MACROD2: variants seen among roughly 807,000 people sequenced by gnomAD.
MACROD2 encodes the protein ADP-ribose glycohydrolase MACROD2.
In MACROD2, 36 loss-of-function variants were observed where a neutral mutation model predicts 70.4. The observed-to-expected ratio is 0.51, with a 90% CI of 0.39 to 0.68. MACROD2 has a LOEUF of 0.68. Ranked by LOEUF, MACROD2 falls within the 30% of genes least tolerant of loss-of-function variation. The pLI, the probability that MACROD2 is intolerant of heterozygous loss-of-function variation, is 0.00. For missense variants in MACROD2, 496 were observed against 538.4 expected (o/e 0.92, Z 0.78); for synonymous variants, 172 against 178.8 (o/e 0.96, Z 0.30).
intron 8 of MACROD2, among the ~76,000 whole-genome samples, chr20:15,563,972 G>A (rs554518698): frequency 1.3e-5 from 2 of 152,236 alleles, no homozygotes; most frequent in African/African-American, 4.8e-5. Flanking sequence ...TGAGATTTGA[G>A]TGAACTGAAG....
At chr20:15,762,526 T>G (rs1354746533) in intron 8 of MACROD2, among the ~76,000 whole-genome samples, 2 of 152,190 alleles carry the variant, frequency 1.3e-5, no homozygotes, top group African/African-American at 4.8e-5. Context: ...GCAGGTCTGT[T>G]TCCCCAACCA....
chr20:15,619,216 G>A (rs1395490004), intron 8 of MACROD2, among the ~76,000 whole-genome samples: 2 of 152,186 alleles, frequency 1.3e-5, no homozygotes, highest in South Asian at 2.1e-4. Flanking sequence ...TCCTACAAAG[G>A]CATTCCAGTC....
At chr20:14,592,996 C>T (rs751238039) in intron 4 of MACROD2, among the ~76,000 whole-genome samples, 38 of 152,052 alleles carry the variant, frequency 2.5e-4, no homozygotes, top group Admixed American at 9.8e-4. Flanking sequence ...GCCTCAAAAT[C>T]TTAGGTCTGC....
chr20:14,773,513 G>T (rs2072197493), intron 5 of MACROD2, among the ~76,000 whole-genome samples: 1 of 151,962 alleles, frequency 6.6e-6, no homozygotes, highest in South Asian at 2.1e-4. Flanking sequence ...ATAATGTCCT[G>T]CAGGTTCTTT....
intron 3 of MACROD2, among the ~76,000 whole-genome samples, chr20:14,172,575 G>C (rs2081231475): frequency 6.6e-6 from 1 of 152,118 alleles, no homozygotes; most frequent in Non-Finnish European, 1.5e-5. Context: ...AAAATGCTGG[G>C]ATTATAGGCA....
At chr20:15,055,556 G>A (rs180712701) in intron 5 of MACROD2, among the ~76,000 whole-genome samples, 6 of 152,230 alleles carry the variant, frequency 3.9e-5, no homozygotes, top group Middle Eastern at 3.4e-3. Context: ...GAATTATAGC[G>A]GAGAACAAAT....
At chr20:15,233,414 A>C (rs2076976403) in intron 6 of MACROD2, among the ~76,000 whole-genome samples, 1 of 152,048 alleles carries the variant, frequency 6.6e-6, no homozygotes, top group Non-Finnish European at 1.5e-5. Flanking sequence ...GTATAAATAA[A>C]TTTCACCTAC....
intron 8 of MACROD2, among the ~76,000 whole-genome samples, chr20:15,761,570 G>A (rs1227171463): frequency 6.6e-6 from 1 of 152,106 alleles, no homozygotes; most frequent in Non-Finnish European, 1.5e-5. Context: ...TGTGTTACAC[G>A]TATATCCACA....
intron 5 of MACROD2, among the ~76,000 whole-genome samples, chr20:14,968,052 T>A (rs2074654823): frequency 6.6e-6 from 1 of 152,178 alleles, no homozygotes; most frequent in South Asian, 2.1e-4. Context: ...TATATCAAAT[T>A]CTGGGCTGGA....
At chr20:14,753,776 A>G (rs2071905670) in intron 5 of MACROD2, among the ~76,000 whole-genome samples, 1 of 152,116 alleles carries the variant, frequency 6.6e-6, no homozygotes, top group African/African-American at 2.4e-5. Flanking sequence ...TCAGACCATA[A>G]AAGACAATCC....
intron 3 of MACROD2, among the ~76,000 whole-genome samples, chr20:14,135,518 A>T (rs1304993783): frequency 3.3e-5 from 5 of 151,536 alleles, no homozygotes; most frequent in African/African-American, 4.8e-5. Flanking sequence ...TTTTTTTTTT[A>T]AATAAATTAG....
intron 3 of MACROD2, among the ~76,000 whole-genome samples, chr20:14,452,864 A>G (rs2084259908): frequency 6.6e-6 from 1 of 152,140 alleles, no homozygotes; most frequent in African/African-American, 2.4e-5. Flanking sequence ...CTTGATGCAC[A>G]TCTTACATCT....
At chr20:15,548,868 T>TA (rs2048059357) in intron 8 of MACROD2, among the ~76,000 whole-genome samples, 1 of 152,174 alleles carries the variant, frequency 6.6e-6, no homozygotes, top group Non-Finnish European at 1.5e-5. Context: ...AAGAGATACA[T>TA]AGACTCTCTG....
At chr20:15,862,265 C>T (rs1458682284) in intron 8 of MACROD2, among the ~76,000 whole-genome samples, 1 of 152,192 alleles carries the variant, frequency 6.6e-6, no homozygotes, top group Non-Finnish European at 1.5e-5. Flanking sequence ...AACTAAACTG[C>T]ATGGAAGCTT....
intron 5 of MACROD2, among the ~76,000 whole-genome samples, chr20:14,814,703 A>C (rs1453859420): frequency 6.6e-6 from 1 of 152,030 alleles, no homozygotes; most frequent in Non-Finnish European, 1.5e-5. Context: ...TACATGGCTA[A>C]TTTCTGGGGC....
chr20:15,949,463 CA>C (rs1228147815), intron 12 of MACROD2, among the ~76,000 whole-genome samples: 7 of 152,048 alleles, frequency 4.6e-5, no homozygotes, highest in Non-Finnish European at 8.8e-5. Flanking sequence ...AGATGTTGCC[CA>C]GCCCCTGACC....
intron 6 of MACROD2, among the ~76,000 whole-genome samples, chr20:15,370,723 A>G (rs2146261376): frequency 6.6e-6 from 1 of 152,212 alleles, no homozygotes; most frequent in Admixed American, 6.5e-5. Flanking sequence ...CTTTATTTAT[A>G]CTCACATCCC....
chr20:15,895,699 C>A (rs994862488), intron 10 of MACROD2, among the ~76,000 whole-genome samples: 1 of 152,202 alleles, frequency 6.6e-6, no homozygotes, highest in Non-Finnish European at 1.5e-5. Context: ...CAATGGCAAC[C>A]TTTACTTACC....
At chr20:15,111,173 G>GTT (rs1299612264) in intron 5 of MACROD2, among the ~76,000 whole-genome samples, 31 of 78,322 alleles carry the variant, frequency 4.0e-4, no homozygotes, top group African/African-American at 1.6e-3. Flanking sequence ...GTTTGTTTTT[G>GTT]TTTGTTTTTT....
Sources: allele counts gnomAD v4.1 joint callset (sites outside exome capture counted in the v4.1 genomes callset), GRCh38; gene constraint gnomAD v4.1.1; transcripts MANE v1.5; gene names NCBI Gene and HGNC (gene_info 2026-07-23, HGNC 2026-07-21).